Variants in ELK4 observed in about 807,000 individuals in gnomAD.
ELK4 encodes ETS domain-containing protein Elk-4.
Under a neutral mutation model 29.6 loss-of-function variants are expected in ELK4, and 16 were observed. The ratio of observed to expected loss-of-function variants is 0.54; its 90% CI spans 0.37 to 0.82. The LOEUF (loss-of-function observed/expected upper bound fraction) is 0.82, where lower values mean the gene tolerates loss of function less well. ELK4 is among the 40% of genes least tolerant of loss of function. The pLI is 0.00. For missense variants in ELK4, 465 were observed against 507.1 expected (o/e 0.92, Z 0.80); for synonymous variants, 213 against 191.1 (o/e 1.11, Z -0.95).
chr1:205,624,200 G>C (rs1427088282), intron 1 of ELK4, among the ~76,000 whole-genome samples: 1 of 152,180 alleles, frequency 6.6e-6, no homozygotes. Context: ...CAACTTGCAA[G>C]GAGGATAAAG....
In ELK4 at chr1:205,626,991, C is replaced by T. The variant is rs201209016; in HGVS notation, c.-9-3100G>A. ...CACAGAAAGGAATGAGGTACACACA[C>T]ACACAAGGACAAACCTTGAAAACAT... On this transcript the variant is annotated intron_variant, in intron 1 of 4. Transcript: ENST00000357992. Among the ~76,000 whole-genome samples, 91 of 152,294 alleles carry T rather than the reference C, an allele frequency of 6.0e-4. 1 individual carries two copies. In the East Asian group the frequency reaches 0.013, roughly 22 times the overall value.
intron 4 of ELK4, among the ~76,000 whole-genome samples, chr1:205,618,114 C>G (rs970677556): frequency 1.3e-5 from 2 of 152,012 alleles, no homozygotes; most frequent in Non-Finnish European, 2.9e-5. Context: ...CAGCCTTGAT[C>G]TACTGGGCTC....
rs777904056 is a variant in ELK4 at position 205,615,656 on chromosome 1, G to A, written c.*890C>T. 4.9e-6 allele frequency: 1 copy of A among 205,902 alleles called. No homozygotes were observed. The highest frequency in any genetic ancestry group is 9.9e-6 in the Non-Finnish European group (1 of 100,706). 12.8% of individuals were successfully genotyped at this position (205,902 alleles called of 1,614,324 possible). On this transcript the variant is annotated 3_prime_UTR_variant, in exon 5 of 5. Transcript: ENST00000357992. ...GTTATCTGATCGAATCTTTTACTCA[G>A]AGATGTTTCAAATATTCAAAATCCA...
rs1670102297 is a variant in ELK4 at position 205,608,235 on chromosome 1, A to AG, written c.*8310dup. The AG allele has an allele frequency of 5.2e-6, 1 of 193,528 alleles. No homozygotes were observed. Among genetic ancestry groups the AG allele is most frequent in the South Asian group, 1.9e-4 (1 of 5,184 alleles). 12.0% of individuals were successfully genotyped at this position (193,528 alleles called of 1,614,324 possible). ...AAAAAATGATCACCTGATTGGTCAGAGCAACCCCTTACTATGTCTGGAGAT... is the reference window on the plus strand; with the variant it reads ...AAAAAATGATCACCTGATTGGTCAGAGGCAACCCCTTACTATGTCTGGAGAT... On this transcript the variant is annotated 3_prime_UTR_variant, in exon 5 of 5. Coordinates refer to ENST00000357992, the MANE Select transcript of ELK4 (RefSeq NM_001973.4).
chr1:205,625,905 C>T, intron 1 of ELK4: 3 of 723,806 alleles, frequency 4.1e-6, no homozygotes, highest in Non-Finnish European at 7.6e-6. Context: ...TCTTGAACTC[C>T]TGACCTCATG....
rs1181516090 is a variant in ELK4, at chr1:205,612,251, T to C, written c.*4295A>G. 1 of 204,940 alleles carries C rather than the reference T, an allele frequency of 4.9e-6. No individual in the cohort carries two copies. The highest frequency in any genetic ancestry group is 2.3e-5 in the African/African-American group (1 of 43,746). 12.7% of individuals were successfully genotyped at this position (204,940 alleles called of 1,614,324 possible). A position where few individuals can be genotyped will look rare whatever the true frequency, so the allele number is the denominator to read the frequency against. On this transcript the variant is annotated 3_prime_UTR_variant, in exon 5 of 5. Coordinates refer to ENST00000357992, the MANE Select transcript of ELK4 (RefSeq NM_001973.4). ...CAAATCTCTAGGATTTCTCCATATA[T>C]CATAAGAGAGCATCATATATGTTTG...
At chr1:205,623,312 C>A (rs1359359945) in intron 2 of ELK4, among the ~76,000 whole-genome samples, 1 of 137,366 alleles carries the variant, frequency 7.3e-6, no homozygotes, top group African/African-American at 2.7e-5. Flanking sequence ...AACAAGGAAT[C>A]TTTTTTTTTT....
intron 1 of ELK4, among the ~76,000 whole-genome samples, chr1:205,631,366 C>G (rs1670582039): frequency 6.6e-6 from 1 of 151,698 alleles, no homozygotes; most frequent in South Asian, 2.1e-4. Context: ...TCCCCATCCA[C>G]GCCGAAAAAA....
chr1:205,627,514 AAAAAAAG>A (rs1670489436), intron 1 of ELK4, among the ~76,000 whole-genome samples: 2 of 149,722 alleles, frequency 1.3e-5, no homozygotes, highest in Admixed American at 1.3e-4. Flanking sequence ...GCCTCAAAAA[AAAAAAAG>A]AAAAGAAAAT....
In ELK4 at chr1:205,620,399, G is replaced by A. The variant is rs1670313846; in HGVS notation, c.647C>T (p.Pro216Leu). The A allele has an allele frequency of 6.2e-7, 1 of 1,614,192 alleles. No homozygotes were observed. The change falls in exon 3 of 5, where the codon CCA becomes CTA. Residue 216 changes from proline to leucine, a missense_variant. Transcript: ENST00000357992. The part of the protein sequence containing the change: ...ATISIGPSIS[P>L]SSEETIQALE... ...AGCTTGGATAGTTTCTTCTGAAGAT[G>A]GAGAAATACTTGGGCCAATTGAAAT...
chr1:205,613,820 C>T lies in ELK4; in HGVS notation c.*2726G>A, dbSNP rs1052626507. 3 of 212,104 alleles carry T rather than the reference C, an allele frequency of 1.4e-5. No homozygotes were observed. The highest frequency in any genetic ancestry group is 2.3e-5 in the African/African-American group (1 of 44,150). The allele number at this position is 212,104 out of a possible 1,614,324, so 13.1% of individuals were successfully genotyped here. A position where few individuals can be genotyped will look rare whatever the true frequency, so the allele number is the denominator to read the frequency against. ...CCTTCCGTAACTTAGGCTACTGCTG[C>T]CCAACAGCATTCATCCTGGCAAAGT... On this transcript the variant is annotated 3_prime_UTR_variant, in exon 5 of 5. Transcript: ENST00000357992.
At position 205,613,535 on chromosome 1, in the gene ELK4, G is replaced by A. The variant is rs1575119718; in HGVS notation, c.*3011C>T. 1 of 182,696 alleles carries A rather than the reference G, an allele frequency of 5.5e-6. No homozygotes were observed. Among genetic ancestry groups the A allele is most frequent in the East Asian group, 8.9e-5 (1 of 11,194 alleles). 11.3% of individuals were successfully genotyped at this position (182,696 alleles called of 1,614,324 possible). A position where few individuals can be genotyped will look rare whatever the true frequency, so the allele number is the denominator to read the frequency against. On this transcript the variant is annotated 3_prime_UTR_variant, in exon 5 of 5. Transcript: ENST00000357992. Reference sequence around the variant, plus strand: ...TGTGCACATCCTTTCTGAACTCTAAGGTGGTAGCTTGAAATCAGCCACAGG... The same window carrying A: ...TGTGCACATCCTTTCTGAACTCTAAAGTGGTAGCTTGAAATCAGCCACAGG...
intron 1 of ELK4, among the ~76,000 whole-genome samples, chr1:205,631,152 G>A (rs918312715): frequency 5.9e-5 from 9 of 152,172 alleles, no homozygotes; most frequent in Non-Finnish European, 1.3e-4. Context: ...CCGCTGGAGC[G>A]AAAGAGAAAA....
intron 1 of ELK4, among the ~76,000 whole-genome samples, chr1:205,628,800 C>G (rs1476689624): frequency 6.6e-6 from 1 of 151,948 alleles, no homozygotes; most frequent in East Asian, 1.9e-4. Flanking sequence ...AAGGTAGAAC[C>G]GAGCTGTTGT....
Position 205,609,521 on chromosome 1 carries a change from C to G in ELK4, c.*7025G>C, listed in dbSNP as rs573455691. The G allele has an allele frequency of 5.2e-6, 1 of 193,406 alleles. No homozygotes were observed. Among genetic ancestry groups the G allele is most frequent in the South Asian group, 1.9e-4 (1 of 5,184 alleles). 12.0% of individuals were successfully genotyped at this position (193,406 alleles called of 1,614,324 possible). ...CGTTTCTTTTCTATCTTTACATATA[C>G]GCATCTGTCAATTTCACTAATACTG... On this transcript the variant is annotated 3_prime_UTR_variant, in exon 5 of 5. Coordinates refer to ENST00000357992, the MANE Select transcript of ELK4 (RefSeq NM_001973.4).
At chr1:205,628,685 A>C (rs977600029) in intron 1 of ELK4, among the ~76,000 whole-genome samples, 13 of 152,234 alleles carry the variant, frequency 8.5e-5, no homozygotes, top group African/African-American at 3.1e-4. Context: ...TCCCCAAAAT[A>C]ACAGGTGTTC....
chr1:205,620,374 A>T lies in ELK4; in HGVS notation c.672T>A (p.Ala224=). ...GTTTTGGGGAAACCAATGTCTCCAAAGCTTGGATAGTTTCTTCTGAAGATG... is the reference window on the plus strand; with the variant it reads ...GTTTTGGGGAAACCAATGTCTCCAATGCTTGGATAGTTTCTTCTGAAGATG... ...ISPSSEETIQ[A]LETLVSPKLP... Residue 224 remains alanine, a synonymous_variant, in exon 3 of 5, where the codon GCT becomes GCA. Transcript: ENST00000357992. 6.2e-7 allele frequency: 1 copy of T among 1,614,176 alleles called. No homozygotes were observed. The highest frequency in any genetic ancestry group is 2.2e-5 in the East Asian group (1 of 44,876).
intron 1 of ELK4, among the ~76,000 whole-genome samples, chr1:205,629,225 G>A (rs1363873813): frequency 6.6e-6 from 1 of 150,462 alleles, no homozygotes; most frequent in Admixed American, 6.6e-5. Context: ...TTAGACTGAA[G>A]TATTAGAAAT....
rs375946785 is a variant in ELK4 at position 205,613,112 on chromosome 1, G to A, written c.*3434C>T. 5.2e-6 allele frequency: 1 copy of A among 192,542 alleles called. No homozygotes were observed. Among genetic ancestry groups the A allele is most frequent in the Non-Finnish European group, 1.1e-5 (1 of 94,632 alleles). 11.9% of individuals were successfully genotyped at this position (192,542 alleles called of 1,614,324 possible). On this transcript the variant is annotated 3_prime_UTR_variant, in exon 5 of 5. Coordinates refer to ENST00000357992, the MANE Select transcript of ELK4 (RefSeq NM_001973.4). Reference sequence around the variant, plus strand: ...TCAATGGAAATTTCCACCTTTGTTCGAACACATAAAGTATGCCATGAGCAA... The same window carrying A: ...TCAATGGAAATTTCCACCTTTGTTCAAACACATAAAGTATGCCATGAGCAA...
Sources: allele counts gnomAD v4.1 joint callset (sites outside exome capture counted in the v4.1 genomes callset), GRCh38; gene constraint gnomAD v4.1.1; transcripts MANE v1.5; gene names NCBI Gene and HGNC (gene_info 2026-07-23, HGNC 2026-07-21).